Variants in ERC2 observed in about 807,000 individuals in gnomAD.
ERC2 encodes the protein ERC protein 2.
In ERC2, 42 loss-of-function variants were observed where a neutral mutation model predicts 114.8. The ratio of observed to expected loss-of-function variants is 0.37; its 90% CI spans 0.29 to 0.47. The LOEUF is 0.47. Among genes scored for constraint, ERC2 ranks in the 20% least tolerant of loss-of-function variants. The pLI, the probability that ERC2 is intolerant of heterozygous loss-of-function variation, is 0.99. For missense variants in ERC2, 939 were observed against 1,150.7 expected (o/e 0.82, Z 2.66); for synonymous variants, 454 against 425.5 (o/e 1.07, Z -0.82).
chr3:55,677,158 T>G (rs975695835), intron 17 of ERC2, among the ~76,000 whole-genome samples: 1 of 152,232 alleles, frequency 6.6e-6, no homozygotes, highest in Admixed American at 6.5e-5. Context: ...TAAATATTCA[T>G]TGGCTTTCAT....
chr3:56,362,503 A>G (rs191088433), intron 2 of ERC2, among the ~76,000 whole-genome samples: 23 of 152,298 alleles, frequency 1.5e-4, no homozygotes, highest in African/African-American at 5.3e-4. Flanking sequence ...GGGGAAGGAA[A>G]GAGATAAGGA....
chr3:56,433,813 C>G (rs2061898372), intron 2 of ERC2: 1 of 157,512 alleles, frequency 6.3e-6, no homozygotes, highest in African/African-American at 2.4e-5. Flanking sequence ...TATTGTGTAT[C>G]TCTAACATAA....
intron 14 of ERC2, among the ~76,000 whole-genome samples, chr3:55,818,906 G>GC: frequency 6.6e-6 from 1 of 152,226 alleles, no homozygotes; most frequent in Admixed American, 6.5e-5. Flanking sequence ...ACTTGTTTCC[G>GC]CAAGTCCACA....
At chr3:56,322,787 C>T (rs1451686135) in intron 2 of ERC2, among the ~76,000 whole-genome samples, 1 of 152,062 alleles carries the variant, frequency 6.6e-6, no homozygotes, top group African/African-American at 2.4e-5. Context: ...AGGTAGAGTT[C>T]ACAGGAAGGA....
At chr3:56,101,154 T>A (rs1307010922) in intron 6 of ERC2, among the ~76,000 whole-genome samples, 1 of 152,200 alleles carries the variant, frequency 6.6e-6, no homozygotes, top group Admixed American at 6.5e-5. Context: ...AGCCATATTC[T>A]GACATAATCA....
chr3:55,534,514 C>T (rs115419383), intron 17 of ERC2, among the ~76,000 whole-genome samples: 4,961 of 151,722 alleles, frequency 0.033, 133 homozygotes, highest in African/African-American at 0.07. Flanking sequence ...GGCAACATGA[C>T]GAAAGCCTGC....
intron 14 of ERC2, among the ~76,000 whole-genome samples, chr3:55,774,432 G>T (rs992546828): frequency 2.2e-4 from 33 of 152,220 alleles, no homozygotes; most frequent in Admixed American, 5.2e-4. Context: ...CGACTTCGTG[G>T]TCTCCCATCA....
chr3:55,646,793 G>T (rs1388505918), intron 17 of ERC2, among the ~76,000 whole-genome samples: 1 of 152,106 alleles, frequency 6.6e-6, no homozygotes, highest in Non-Finnish European at 1.5e-5. Context: ...AATATTTTCT[G>T]AATAATAAAT....
At chr3:55,943,261 C>T (rs1241521791) in intron 13 of ERC2, among the ~76,000 whole-genome samples, 2 of 152,168 alleles carry the variant, frequency 1.3e-5, no homozygotes, top group African/African-American at 4.8e-5. Context: ...TTTCTTCTCC[C>T]AGTCCTTTTG....
intron 17 of ERC2, among the ~76,000 whole-genome samples, chr3:55,675,261 C>T (rs573593475): frequency 6.6e-6 from 1 of 152,200 alleles, no homozygotes; most frequent in African/African-American, 2.4e-5. Context: ...CTCTGACAAA[C>T]ATGTTCATGG....
Position 55,509,742 on chromosome 3 carries a change from C to T in ERC2, c.*1574G>A, listed in dbSNP as rs2051961200. ...AAGAGAGGTCCAGAGTTAATTGCAC[C>T]AACATTTTAAAAAGTAATAATAATG... On this transcript the variant is annotated 3_prime_UTR_variant, in exon 18 of 18. Transcript: ENST00000288221. 1 of 152,494 alleles carries T rather than the reference C, an allele frequency of 6.6e-6. No individual in the cohort carries two copies. The highest frequency in any genetic ancestry group is 1.5e-5 in the Non-Finnish European group (1 of 68,008). The allele number at this position is 152,494 out of a possible 1,614,324, so 9.4% of individuals were successfully genotyped here. A position where few individuals can be genotyped will look rare whatever the true frequency, so the allele number is the denominator to read the frequency against.
At chr3:55,546,385 T>C (rs1298077601) in intron 17 of ERC2, among the ~76,000 whole-genome samples, 1 of 152,160 alleles carries the variant, frequency 6.6e-6, no homozygotes. Flanking sequence ...TTAACCCTGT[T>C]CCATGCTGCA....
intron 2 of ERC2, among the ~76,000 whole-genome samples, chr3:56,397,154 T>C (rs1246660989): frequency 6.6e-6 from 1 of 152,028 alleles, no homozygotes; most frequent in East Asian, 1.9e-4. Context: ...TTTTAAATGG[T>C]TTTTGTTTTA....
chr3:55,894,852 GC>G (rs1475469520), intron 13 of ERC2, among the ~76,000 whole-genome samples: 6 of 152,202 alleles, frequency 3.9e-5, no homozygotes, highest in African/African-American at 1.4e-4. Context: ...TCAGCACAAT[GC>G]CTAGTACTCA....
chr3:56,099,854 C>G (rs1447114961), intron 6 of ERC2, among the ~76,000 whole-genome samples: 1 of 152,164 alleles, frequency 6.6e-6, no homozygotes, highest in Non-Finnish European at 1.5e-5. Flanking sequence ...CTACTCCTGA[C>G]CTTGCATCTT....
chr3:55,998,996 T>C (rs566332375), intron 10 of ERC2, among the ~76,000 whole-genome samples: 1 of 152,132 alleles, frequency 6.6e-6, no homozygotes, highest in African/African-American at 2.4e-5. Flanking sequence ...ATTTGCCTTT[T>C]AGCAACAAGG....
chr3:55,534,915 C>A (rs2053900705), intron 17 of ERC2, among the ~76,000 whole-genome samples: 1 of 152,152 alleles, frequency 6.6e-6, no homozygotes, highest in Admixed American at 6.5e-5. Flanking sequence ...GGCTGAGCAT[C>A]ATGGTCAATG....
intron 15 of ERC2, among the ~76,000 whole-genome samples, chr3:55,713,129 T>TACACACA (rs1553638926): frequency 2.5e-4 from 19 of 74,734 alleles, no homozygotes; most frequent in African/African-American, 8.4e-4. Flanking sequence ...TCTCTCTCTG[T>TACACACA]CTCACACACA....
chr3:55,705,398 G>T (rs187469266), intron 15 of ERC2, among the ~76,000 whole-genome samples: 23 of 152,288 alleles, frequency 1.5e-4, no homozygotes, highest in Admixed American at 3.9e-4. Context: ...ATATGCAAGT[G>T]TGTGTATGTG....
Sources: gnomAD v4.1 joint callset for allele counts (sites outside exome capture counted in the v4.1 genomes callset) on GRCh38, gnomAD v4.1.1 for gene constraint, MANE v1.5 for transcripts, NCBI Gene and HGNC (gene_info 2026-07-23, HGNC 2026-07-21) for gene names.